Variants in SIK2 observed in about 807,000 individuals in gnomAD.
SIK2 encodes salt inducible kinase 2.
A neutral mutation model predicts 103.2 loss-of-function variants in SIK2; 29 were observed. That is an observed-to-expected ratio of 0.28 (90% CI 0.21 to 0.38). The LOEUF (loss-of-function observed/expected upper bound fraction) is 0.38. SIK2 is among the 10% of genes least tolerant of loss of function. The pLI, the probability that SIK2 is intolerant of heterozygous loss-of-function variation, is 1.00. For synonymous variants in SIK2, 412 were observed against 446.1 expected (o/e 0.92, Z 0.96); for missense variants, 879 against 1,171.0 (o/e 0.75, Z 3.64).
At chr11:111,614,214 C>T (rs1011578028) in intron 1 of SIK2, among the ~76,000 whole-genome samples, 1 of 151,690 alleles carries the variant, frequency 6.6e-6, no homozygotes, top group African/African-American at 2.4e-5. Flanking sequence ...CCCAGGTCAA[C>T]CTGGGATTAC....
intron 3 of SIK2, among the ~76,000 whole-genome samples, chr11:111,681,329 A>C (rs10891288): frequency 0.58 from 88,858 of 152,054 alleles, 29,925 homozygotes; most frequent in East Asian, 0.94. Context: ...CCAGACTGTT[A>C]AGGTATCTCT....
chr11:111,627,511 G>A (rs1042565835), intron 3 of SIK2, among the ~76,000 whole-genome samples: 13 of 152,156 alleles, frequency 8.5e-5, no homozygotes, highest in African/African-American at 2.7e-4. Flanking sequence ...GTTTGGTACT[G>A]TCTGCAGTTT....
intron 3 of SIK2, among the ~76,000 whole-genome samples, chr11:111,633,390 A>G (rs186587546): frequency 9.2e-5 from 14 of 152,310 alleles, no homozygotes; most frequent in African/African-American, 3.4e-4. Flanking sequence ...CTTTAGCACA[A>G]TACAAAGTGT....
rs1306427808 is a variant in SIK2, at chr11:111,730,307, T to C, written c.*6178T>C. 1.3e-5 allele frequency: 2 copies of C among 152,254 alleles called. No homozygotes were observed. The highest frequency in any genetic ancestry group is 4.8e-5 in the African/African-American group (2 of 41,460). The allele number at this position is 152,254 out of a possible 1,614,324, so 9.4% of individuals were successfully genotyped here. A position where few individuals can be genotyped will look rare whatever the true frequency, so the allele number is the denominator to read the frequency against. On this transcript the variant is annotated 3_prime_UTR_variant, in exon 15 of 15. Coordinates refer to ENST00000304987, the MANE Select transcript of SIK2 (RefSeq NM_015191.3). ...CTGTGGTGTCTGTCTGCAGAAGATTTGCTCAGTCAAGGAAATTCAAGTGGT... is the reference window on the plus strand; with the variant it reads ...CTGTGGTGTCTGTCTGCAGAAGATTCGCTCAGTCAAGGAAATTCAAGTGGT...
intron 12 of SIK2, among the ~76,000 whole-genome samples, 194 bp downstream of exon 12, chr11:111,721,256 G>A (rs1381496699): frequency 6.6e-6 from 1 of 152,174 alleles, no homozygotes; most frequent in Non-Finnish European, 1.5e-5. Context: ...CTGCTTCCAA[G>A]TGATCAATAC....
chr11:111,720,777 C>T lies in SIK2; in HGVS notation c.1780+15C>T. On this transcript the variant is annotated intron_variant, in intron 11 of 14. Transcript: ENST00000304987. ...CCTCACCCAGGGTGAGCACTTCCTC[C>T]TCTGCTTTTTGAAACTCGCGTCGTA... 6.3e-7 allele frequency: 1 copy of T among 1,575,410 alleles called. No individual in the cohort carries two copies.
intron 14 of SIK2, 131 bp from the exon 15 acceptor site, chr11:111,723,365 C>G: frequency 1.0e-6 from 1 of 987,094 alleles, no homozygotes; most frequent in South Asian, 1.7e-5. Flanking sequence ...GGTTCCCATT[C>G]CCACTTGTTT....
intron 3 of SIK2, among the ~76,000 whole-genome samples, chr11:111,644,793 A>G (rs750230042): frequency 3.9e-5 from 6 of 152,266 alleles, no homozygotes; most frequent in Non-Finnish European, 8.8e-5. Context: ...GGAATCTCAT[A>G]TATAAGTTAT....
chr11:111,621,372 TCTTTC>T (rs1448391146), intron 3 of SIK2, among the ~76,000 whole-genome samples: 7 of 152,224 alleles, frequency 4.6e-5, no homozygotes, highest in Non-Finnish European at 8.8e-5. Context: ...TGGTCTAGCT[TCTTTC>T]CTTTACTATA....
rs971645225 is a variant in SIK2, at chr11:111,720,771, T to G, written c.1780+9T>G. On this transcript the variant is annotated intron_variant, in intron 11 of 14. Transcript: ENST00000304987. ...TACCTCCCTCACCCAGGGTGAGCACTTCCTCCTCTGCTTTTTGAAACTCGC... is the reference window on the plus strand; with the variant it reads ...TACCTCCCTCACCCAGGGTGAGCACGTCCTCCTCTGCTTTTTGAAACTCGC... The G allele has an allele frequency of 1.9e-6, 3 of 1,578,286 alleles. No homozygotes were observed. Among genetic ancestry groups the G allele is most frequent in the South Asian group, 1.2e-5 (1 of 84,182 alleles).
At chr11:111,723,119 A>C (rs1325317353) in intron 14 of SIK2, among the ~76,000 whole-genome samples, 1 of 152,170 alleles carries the variant, frequency 6.6e-6, no homozygotes, top group Non-Finnish European at 1.5e-5. Flanking sequence ...TCGCTAGTAG[A>C]AGCAGCTTGG....
At chr11:111,645,540 G>T (rs753697117) in intron 3 of SIK2, among the ~76,000 whole-genome samples, 1 of 152,190 alleles carries the variant, frequency 6.6e-6, no homozygotes, top group African/African-American at 2.4e-5. Context: ...CAAAAAACAG[G>T]CCAGGCACAG....
chr11:111,627,119 A>G (rs1941971469), intron 3 of SIK2, among the ~76,000 whole-genome samples: 1 of 152,176 alleles, frequency 6.6e-6, no homozygotes, highest in Non-Finnish European at 1.5e-5. Flanking sequence ...GGGAAGAAAA[A>G]GCATAGTAAA....
intron 4 of SIK2, among the ~76,000 whole-genome samples, chr11:111,692,547 A>G (rs1942974443): frequency 6.6e-6 from 1 of 152,082 alleles, no homozygotes; most frequent in Non-Finnish European, 1.5e-5. Context: ...GAAAAAAGCC[A>G]GGAGAGGCGG....
intron 3 of SIK2, among the ~76,000 whole-genome samples, chr11:111,620,913 A>G (rs1488814604): frequency 6.6e-6 from 1 of 152,196 alleles, no homozygotes; most frequent in African/African-American, 2.4e-5. Context: ...CTCTAGTAAG[A>G]AAGTATTTGA....
intron 3 of SIK2, among the ~76,000 whole-genome samples, chr11:111,628,141 C>T (rs1784774): frequency 0.96 from 146,888 of 152,282 alleles, 71,081 homozygotes; most frequent in East Asian, 1. Flanking sequence ...AACTATTCCT[C>T]GCATAGGTCT....
chr11:111,687,395 A>T (rs1248843821), intron 3 of SIK2, among the ~76,000 whole-genome samples: 1 of 151,524 alleles, frequency 6.6e-6, no homozygotes, highest in Admixed American at 6.6e-5. Context: ...GGTACCTGCA[A>T]TCCCAGCTAC....
In SIK2 at chr11:111,716,579, CAAAAAAA is replaced by C. The variant is rs149598631; in HGVS notation, c.1267-3195_1267-3189del. Among the ~76,000 whole-genome samples, 1,058 of 150,066 alleles carry C rather than the reference CAAAAAAA, an allele frequency of 7.1e-3. 8 individuals carry two copies. Among genetic ancestry groups the C allele is most frequent in the African/African-American group, 0.025 (999 of 40,764 alleles). ...GCGACAGAGTGAGACTCTGTCTCAC[CAAAAAAA>C]GAAAAAAGAAGAAGAAAAATCAGAT... On this transcript the variant is annotated intron_variant, in intron 9 of 14. Transcript: ENST00000304987.
chr11:111,703,915 A>AGGGGTCAT (rs1943275237), intron 7 of SIK2, among the ~76,000 whole-genome samples: 1 of 152,180 alleles, frequency 6.6e-6, no homozygotes, highest in African/African-American at 2.4e-5. Context: ...TAGAACTGTG[A>AGGGGTCAT]AGGGTCATGA....
Sources: allele counts gnomAD v4.1 joint callset (sites outside exome capture counted in the v4.1 genomes callset), GRCh38; gene constraint gnomAD v4.1.1; transcripts MANE v1.5; gene names NCBI Gene and HGNC (gene_info 2026-07-23, HGNC 2026-07-21).